SEL1L2: variants seen among roughly 807,000 people sequenced by gnomAD.
SEL1L2 encodes the protein SEL1L2 adaptor subunit of SYVN1 ubiquitin ligase.
Under a neutral mutation model 98.8 loss-of-function variants are expected in SEL1L2, and 89 were observed. The ratio of observed to expected loss-of-function variants is 0.90; its 90% CI spans 0.76 to 1.07. The LOEUF (loss-of-function observed/expected upper bound fraction) is 1.07, where lower values mean the gene tolerates loss of function less well. SEL1L2 is among the 50% of genes least tolerant of loss of function. The pLI is 0.00. For synonymous variants in SEL1L2, 262 were observed against 278.5 expected (o/e 0.94, Z 0.59); for missense variants, 788 against 812.0 (o/e 0.97, Z 0.36).
chr20:13,901,874 G>A (rs1322240640), intron 5 of SEL1L2, among the ~76,000 whole-genome samples: 2 of 151,988 alleles, frequency 1.3e-5, no homozygotes, highest in East Asian at 3.9e-4. Context: ...TGTTGGCCAG[G>A]CTGGTCTCAA....
chr20:13,967,012 G>T (rs1232386753), intron 1 of SEL1L2, among the ~76,000 whole-genome samples: 1 of 150,992 alleles, frequency 6.6e-6, no homozygotes, highest in Non-Finnish European at 1.5e-5. Context: ...CTCCTGAGTA[G>T]CTGGAACTAT....
At chr20:13,896,944 T>C (rs1331216918) in intron 5 of SEL1L2, among the ~76,000 whole-genome samples, 1 of 152,138 alleles carries the variant, frequency 6.6e-6, no homozygotes, top group Non-Finnish European at 1.5e-5. Flanking sequence ...GAACCATGCA[T>C]AGCCAAAACA....
chr20:13,933,764 T>A (rs2148327405), intron 2 of SEL1L2, among the ~76,000 whole-genome samples: 1 of 152,238 alleles, frequency 6.6e-6, no homozygotes, highest in African/African-American at 2.4e-5. Flanking sequence ...TGGAAGACTA[T>A]GTGGAGAAAA....
chr20:13,909,061 C>G (rs754774604), intron 5 of SEL1L2, among the ~76,000 whole-genome samples: 1 of 148,738 alleles, frequency 6.7e-6, no homozygotes, highest in Non-Finnish European at 1.5e-5. Context: ...CTTCCCTTTT[C>G]CCTCAGAGAT....
chr20:13,975,431 C>G (rs780484540), intron 1 of SEL1L2, among the ~76,000 whole-genome samples: 9 of 152,146 alleles, frequency 5.9e-5, no homozygotes, highest in Non-Finnish European at 1.3e-4. Flanking sequence ...GCAGCACAGT[C>G]CTTTGGAGAA....
At chr20:13,911,654 G>T (rs1468263062) in intron 5 of SEL1L2, among the ~76,000 whole-genome samples, 1 of 152,066 alleles carries the variant, frequency 6.6e-6, no homozygotes, top group African/African-American at 2.4e-5. Flanking sequence ...AAATTATATG[G>T]ATTTTTAAAA....
At chr20:13,859,781 C>T (rs150763066) in intron 17 of SEL1L2, among the ~76,000 whole-genome samples, 62 of 152,306 alleles carry the variant, frequency 4.1e-4, no homozygotes, top group Middle Eastern at 3.4e-3. Flanking sequence ...CATTCTGCAA[C>T]CTCTGCCTCT....
At chr20:13,965,889 G>C (rs990562307) in intron 1 of SEL1L2, among the ~76,000 whole-genome samples, 2 of 148,622 alleles carry the variant, frequency 1.3e-5, no homozygotes, top group African/African-American at 5.0e-5. Context: ...GGAGGCGGAG[G>C]TTACAGTGAG....
chr20:13,956,867 T>C (rs2050565040), intron 1 of SEL1L2, among the ~76,000 whole-genome samples: 2 of 152,122 alleles, frequency 1.3e-5, no homozygotes, highest in Admixed American at 6.6e-5. Context: ...TGACAAATTT[T>C]CAATTGCTGT....
intron 10 of SEL1L2, among the ~76,000 whole-genome samples, chr20:13,879,300 C>T (rs1042630002): frequency 4.6e-5 from 7 of 151,940 alleles, no homozygotes; most frequent in Admixed American, 6.6e-5. Context: ...AATAAGATGG[C>T]GCCATTACTA....
Position 13,888,452 on chromosome 20 carries a change from T to C in SEL1L2, c.603+7A>G. The stretch of plus-strand genomic sequence containing the variant: ...TTTGTTCCAGAATAAAACAGAATGA[T>C]CTTTACCTTAGCTTGATCATATTCC... On this transcript the variant is annotated splice_region_variant and intron_variant, in intron 6 of 19. Coordinates refer to ENST00000284951, the MANE Select transcript of SEL1L2 (RefSeq NM_025229.2). The C allele has an allele frequency of 6.5e-7, 1 of 1,533,778 alleles. No individual in the cohort carries two copies. The highest frequency in any genetic ancestry group is 9.0e-7 in the Non-Finnish European group (1 of 1,115,898).
chr20:13,938,554 CAT>C (rs2148356610), intron 2 of SEL1L2, among the ~76,000 whole-genome samples: 1 of 152,232 alleles, frequency 6.6e-6, no homozygotes, highest in South Asian at 2.1e-4. Context: ...AACATATAAA[CAT>C]ATCTTATTCA....
chr20:13,941,768 G>A (rs1053609243), intron 2 of SEL1L2, among the ~76,000 whole-genome samples: 1 of 152,130 alleles, frequency 6.6e-6, no homozygotes, highest in African/African-American at 2.4e-5. Context: ...AAATGTATTT[G>A]TCTAAGAGTA....
chr20:13,869,421 C>A, intron 14 of SEL1L2, 82 bp downstream of exon 14: 1 of 1,064,670 alleles, frequency 9.4e-7, no homozygotes, highest in Admixed American at 1.7e-5. Flanking sequence ...TCACACCAAA[C>A]CTTTGATGTT....
chr20:13,887,698 A>G, intron 8 of SEL1L2, 71 bp downstream of exon 8: 1 of 937,558 alleles, frequency 1.1e-6, no homozygotes, highest in Non-Finnish European at 1.7e-6. Flanking sequence ...TATCAATTGA[A>G]CTGTTATTGA....
At chr20:13,920,558 TTC>T (rs571631015) in intron 3 of SEL1L2, among the ~76,000 whole-genome samples, 5 of 146,254 alleles carry the variant, frequency 3.4e-5, no homozygotes, top group South Asian at 2.2e-4. Context: ...CACACTATTT[TTC>T]TCTCTCTCTC....
chr20:13,861,481 A>G (rs1291518529), intron 17 of SEL1L2, among the ~76,000 whole-genome samples: 2 of 151,826 alleles, frequency 1.3e-5, no homozygotes, highest in African/African-American at 4.8e-5. Context: ...TATATGTTAT[A>G]TATAGTATAT....
Position 13,984,073 on chromosome 20 carries a change from G to A in SEL1L2, c.58+6404C>T, listed in dbSNP as rs1485853839. 3.4e-5 allele frequency among the ~76,000 whole-genome samples: 5 copies of A among 148,758 alleles called. No individual in the cohort carries two copies. In the South Asian group the frequency reaches 6.4e-4, roughly 19 times the overall value. On this transcript the variant is annotated intron_variant, in intron 1 of 19. Coordinates refer to ENST00000284951, the MANE Select transcript of SEL1L2 (RefSeq NM_025229.2). ...GTCACCCAGGCTTGAGTGCAGTGGC[G>A]TGATCTAAGCTCACTGCAACCTCTG...
intron 18 of SEL1L2, among the ~76,000 whole-genome samples, chr20:13,857,534 A>G (rs1600465736): frequency 6.6e-6 from 1 of 152,236 alleles, no homozygotes; most frequent in East Asian, 1.9e-4. Flanking sequence ...CTGAGAGGAC[A>G]CCTGCCTGTC....
Sources: gnomAD v4.1 joint callset for allele counts (sites outside exome capture counted in the v4.1 genomes callset) on GRCh38, gnomAD v4.1.1 for gene constraint, MANE v1.5 for transcripts, NCBI Gene and HGNC (gene_info 2026-07-23, HGNC 2026-07-21) for gene names.